The following PPM1D variants were observed in gnomAD, a reference collection of about 807,000 sequenced individuals.
PPM1D encodes the protein protein phosphatase 1D.
Under a neutral mutation model 58.3 loss-of-function variants are expected in PPM1D, and 52 were observed. The observed-to-expected ratio is 0.89, with a 90% CI of 0.71 to 1.12. PPM1D has a LOEUF of 1.12. Ranked by LOEUF, PPM1D falls within the 50% of genes most tolerant of loss-of-function variation. The probability of loss-of-function intolerance (pLI) is 0.00; values close to 1 mark genes in which losing one functional copy is unlikely to be tolerated. For missense variants in PPM1D, 564 were observed against 777.2 expected (o/e 0.73, Z 3.26); for synonymous variants, 278 against 285.1 (o/e 0.98, Z 0.25).
intron 3 of PPM1D, among the ~76,000 whole-genome samples, chr17:60,641,885 A>T (rs1202770290): frequency 1.3e-5 from 2 of 152,232 alleles, no homozygotes; most frequent in African/African-American, 4.8e-5. Flanking sequence ...CAAGTGCCAC[A>T]GGAGCAAGCA....
chr17:60,636,292 A>T (rs2031020661), intron 3 of PPM1D, among the ~76,000 whole-genome samples: 1 of 152,228 alleles, frequency 6.6e-6, no homozygotes. Flanking sequence ...AAAAGCATAT[A>T]GTTCCTACTT....
intron 3 of PPM1D, among the ~76,000 whole-genome samples, chr17:60,645,574 ATATATATATGTGTG>A (rs1209483707): frequency 1.6e-5 from 2 of 127,926 alleles, no homozygotes; most frequent in African/African-American, 7.4e-5. Context: ...ATATATATGT[ATATATATATGTGTG>A]TATATATATG....
chr17:60,615,693 T>G (rs74841337), intron 1 of PPM1D, among the ~76,000 whole-genome samples: 25 of 150,076 alleles, frequency 1.7e-4, no homozygotes, highest in African/African-American at 5.9e-4. Flanking sequence ...TTTTTTTTTT[T>G]GGGTAGAGAT....
chr17:60,616,489 A>G (rs2030587957), intron 1 of PPM1D, among the ~76,000 whole-genome samples: 1 of 151,988 alleles, frequency 6.6e-6, no homozygotes, highest in Admixed American at 6.5e-5. Context: ...ACATACCTAT[A>G]ATCCCAGCTA....
At position 60,663,444 on chromosome 17, in the gene PPM1D, A is replaced by T; in HGVS notation, c.1710A>T (p.Ser570=). The change falls in exon 6 of 6, where the codon TCA becomes TCT. Residue 570 remains serine (S), a synonymous_variant. Transcript: ENST00000305921. ...GAQPASLPTT[S]QRKNSVKLTM... is the part of the protein sequence containing the mutation. ...AGCCTGCAAGTCTCCCCACAACCTC[A>T]CAGCGAAAGAACTCTGTTAAACTCA... 6.2e-7 allele frequency: 1 copy of T among 1,613,956 alleles called. No homozygotes were observed. The highest frequency in any genetic ancestry group is 8.5e-7 in the Non-Finnish European group (1 of 1,179,816).
chr17:60,649,996 A>G (rs548701645), intron 4 of PPM1D, among the ~76,000 whole-genome samples: 20 of 152,326 alleles, frequency 1.3e-4, no homozygotes, highest in Non-Finnish European at 2.4e-4. Flanking sequence ...GAGAGAGATC[A>G]TTTCAATGGC....
At chr17:60,650,710 T>TG (rs2143707445) in intron 4 of PPM1D, among the ~76,000 whole-genome samples, 1 of 152,100 alleles carries the variant, frequency 6.6e-6, no homozygotes, top group African/African-American at 2.4e-5. Flanking sequence ...TAGGGAGAGA[T>TG]GGGGGAGGTA....
chr17:60,626,530 G>A (rs966122569), intron 2 of PPM1D, among the ~76,000 whole-genome samples: 2 of 151,800 alleles, frequency 1.3e-5, no homozygotes, highest in Admixed American at 1.3e-4. Context: ...TAGTAGCTGG[G>A]ACTACAGGCG....
chr17:60,620,054 A>C (rs2030667989), intron 1 of PPM1D, among the ~76,000 whole-genome samples: 1 of 151,978 alleles, frequency 6.6e-6, no homozygotes, highest in South Asian at 2.1e-4. Context: ...GCTGGAGTGC[A>C]GTGGCATGAT....
intron 1 of PPM1D, among the ~76,000 whole-genome samples, chr17:60,615,183 G>A (rs2030557274): frequency 6.6e-6 from 1 of 152,078 alleles, no homozygotes; most frequent in Non-Finnish European, 1.5e-5. Context: ...GATTGCTCGA[G>A]CCCAGGAATT....
chr17:60,651,461 G>A (rs550333000), intron 4 of PPM1D, among the ~76,000 whole-genome samples: 1 of 150,324 alleles, frequency 6.7e-6, no homozygotes, highest in Non-Finnish European at 1.5e-5. Context: ...GCAGTGGCGC[G>A]ATCTCAGCTC....
intron 3 of PPM1D, among the ~76,000 whole-genome samples, chr17:60,643,883 CTTTTTT>C (rs71148308): frequency 2.0e-4 from 20 of 97,748 alleles, no homozygotes; most frequent in East Asian, 3.1e-4. Context: ...CTTTTCTTTT[CTTTTTT>C]TTTTTTTTTT....
chr17:60,602,299 T>C (rs1188536587), intron 1 of PPM1D, among the ~76,000 whole-genome samples: 2 of 152,216 alleles, frequency 1.3e-5, no homozygotes. Flanking sequence ...AGAGGAAGAC[T>C]AGGCACAGAA....
chr17:60,621,950 G>C (rs2030713677), intron 1 of PPM1D, among the ~76,000 whole-genome samples: 1 of 149,646 alleles, frequency 6.7e-6, no homozygotes, highest in Admixed American at 6.7e-5. Flanking sequence ...CACTTTGGGA[G>C]GCCAAGGCGG....
intron 5 of PPM1D, among the ~76,000 whole-genome samples, chr17:60,660,195 G>A (rs2031502800): frequency 6.6e-6 from 1 of 152,124 alleles, no homozygotes; most frequent in Non-Finnish European, 1.5e-5. Flanking sequence ...AGTTAGCTGG[G>A]TGTGGTGGTG....
At chr17:60,643,577 T>C (rs886377097) in intron 3 of PPM1D, among the ~76,000 whole-genome samples, 15 of 152,112 alleles carry the variant, frequency 9.9e-5, no homozygotes, top group Middle Eastern at 3.2e-3. Context: ...AACAGGATAT[T>C]TCACAGAGCC....
chr17:60,628,328 A>G (rs1233055898), intron 2 of PPM1D, among the ~76,000 whole-genome samples: 1 of 152,084 alleles, frequency 6.6e-6, no homozygotes, highest in African/African-American at 2.4e-5. Context: ...GTTTGTTATA[A>G]TCAATCAGTG....
In PPM1D at chr17:60,666,122, G is replaced by A. The variant is rs554103122; in HGVS notation, c.*2570G>A. ...AAGCATTGATATTCTGAAATACAGC[G>A]TGTATAACATTGTTTTAGTAGGGTG... On this transcript the variant is annotated 3_prime_UTR_variant, in exon 6 of 6. Transcript: ENST00000305921. 59 of 152,212 alleles carry A rather than the reference G, an allele frequency of 3.9e-4. No homozygotes were observed. Among genetic ancestry groups the A allele is most frequent in the Admixed American group, 1.1e-3 (17 of 15,274 alleles). 9.4% of individuals were successfully genotyped at this position (152,212 alleles called of 1,614,324 possible).
At chr17:60,645,328 T>TGGGCAACAAGAGC (rs1291736769) in intron 3 of PPM1D, among the ~76,000 whole-genome samples, 1 of 151,732 alleles carries the variant, frequency 6.6e-6, no homozygotes, top group Non-Finnish European at 1.5e-5. Context: ...CACTCCAGCC[T>TGGGCAACAAGAGC]GGGCAACAAG....
Sources: gnomAD v4.1 joint callset for allele counts (sites outside exome capture counted in the v4.1 genomes callset) on GRCh38, gnomAD v4.1.1 for gene constraint, MANE v1.5 for transcripts, NCBI Gene and HGNC (gene_info 2026-07-23, HGNC 2026-07-21) for gene names.